The following CD300A variants were observed in gnomAD, a reference collection of about 807,000 sequenced individuals.
CD300A encodes the protein CD300a molecule.
CD300A carries 22 observed loss-of-function variants against 33.6 expected under a neutral mutation model. That is an observed-to-expected ratio of 0.66 (90% CI 0.47 to 0.94). The LOEUF (loss-of-function observed/expected upper bound fraction) is 0.94, where lower values mean the gene tolerates loss of function less well. CD300A is among the 40% of genes least tolerant of loss of function. CD300A has a pLI of 0.00. For missense variants in CD300A, 326 were observed against 360.5 expected (o/e 0.90, Z 0.77); for synonymous variants, 136 against 148.1 (o/e 0.92, Z 0.59).
intron 6 of CD300A, 47 bp downstream of exon 6, chr17:74,481,880 C>T (rs1486849646): frequency 9.9e-6 from 14 of 1,419,058 alleles, no homozygotes; most frequent in Non-Finnish European, 1.3e-5. Flanking sequence ...CTGGGCTGTG[C>T]CAGGGCACCC....
intron 4 of CD300A, 67 bp downstream of exon 4, chr17:74,477,597 C>T: frequency 9.8e-7 from 1 of 1,018,142 alleles, no homozygotes; most frequent in Admixed American, 1.9e-5. Context: ...AGACGCTCAT[C>T]TTCAAAGCTA....
chr17:74,477,398 A>T, intron 3 of CD300A, 38 bp from the exon 4 acceptor site: 1 of 1,375,948 alleles, frequency 7.3e-7, no homozygotes, highest in African/African-American at 1.5e-5. Flanking sequence ...TGGAGAAGGC[A>T]AGTTGGCCCC....
intron 4 of CD300A, among the ~76,000 whole-genome samples, chr17:74,478,691 C>T (rs1000002779): frequency 6.6e-6 from 1 of 152,186 alleles, no homozygotes; most frequent in Non-Finnish European, 1.5e-5. Flanking sequence ...TGTCCAAAGC[C>T]TTCCAAGACT....
chr17:74,470,620 T>C (rs116752693), intron 1 of CD300A, among the ~76,000 whole-genome samples: 1,659 of 151,866 alleles, frequency 0.011, 13 homozygotes, highest in African/African-American at 0.038. Flanking sequence ...GAACAGTGTC[T>C]TGGGTGAAGG....
At chr17:74,473,375 G>T (rs538151637) in intron 1 of CD300A, among the ~76,000 whole-genome samples, 161 bp from the exon 2 acceptor site, 1 of 152,028 alleles carries the variant, frequency 6.6e-6, no homozygotes, top group Non-Finnish European at 1.5e-5. Context: ...CCTGTGTGCG[G>T]AGGTAGCCTC....
At chr17:74,474,834 G>A (rs1234423461) in intron 3 of CD300A, 149 bp downstream of exon 3, 30 of 673,024 alleles carry the variant, frequency 4.5e-5, no homozygotes, top group African/African-American at 9.6e-5. Flanking sequence ...TGAACACCCC[G>A]GCTTGGACCT....
intron 5 of CD300A, 35 bp downstream of exon 5, chr17:74,481,361 C>T: frequency 6.2e-7 from 1 of 1,606,674 alleles, no homozygotes; most frequent in Non-Finnish European, 8.5e-7. Context: ...TATCAGGTGG[C>T]TGGGCGGAGG....
Position 74,473,722 on chromosome 17 carries a change from C to G in CD300A, c.227C>G (p.Ser76Cys), listed in dbSNP as rs374258098. 5.6e-6 allele frequency: 9 copies of G among 1,614,220 alleles called. No homozygotes were observed. Among genetic ancestry groups the G allele is most frequent in the Non-Finnish European group, 7.6e-6 (9 of 1,180,038 alleles). Residue 76 changes from serine to cysteine, a missense_variant, in exon 2 of 7, where the codon TCC becomes TGC. Physicochemically the swap from Ser to Cys is moderately radical, Grantham distance 112 (BLOSUM62 -1). Coordinates refer to ENST00000360141, the MANE Select transcript of CD300A (RefSeq NM_007261.4). ...GSAGKRNGRV[S>C]IRDSPANLSF... ...GCAGGAAAAAGGAACGGCCGAGTGTCCATCAGGGACAGTCCTGCAAACCTC... is the reference window on the plus strand; with the variant it reads ...GCAGGAAAAAGGAACGGCCGAGTGTGCATCAGGGACAGTCCTGCAAACCTC...
At chr17:74,476,134 C>T (rs1051035454) in intron 3 of CD300A, among the ~76,000 whole-genome samples, 1 of 152,170 alleles carries the variant, frequency 6.6e-6, no homozygotes, top group Non-Finnish European at 1.5e-5. Flanking sequence ...CTGTCTCCAC[C>T]TCCAGTCCCT....
rs772891892 is a variant in CD300A at position 74,473,850 on chromosome 17, G to C, written c.355G>C (p.Glu119Gln). 4 of 1,611,242 alleles carry C rather than the reference G, an allele frequency of 2.5e-6. No individual in the cohort carries two copies. The highest frequency in any genetic ancestry group is 1.7e-5 in the Admixed American group (1 of 59,996). Residue 119 changes from glutamate to glutamine, a missense_variant, in exon 2 of 7, where the codon GAG becomes CAG. Physicochemically the swap from Glu to Gln is conservative, Grantham distance 29 (BLOSUM62 2). Coordinates refer to ENST00000360141, the MANE Select transcript of CD300A (RefSeq NM_007261.4). Reference protein sequence around the residue: ...WLRDFHDPVVEVEVSVFPAST... With the variant: ...WLRDFHDPVVQVEVSVFPAST... ...CCGAGACTTTCATGATCCCGTTGTC[G>C]AGGTTGAGGTGTCCGTGTTCCCGGG...
At chr17:74,474,420 C>T (rs1906327817) in intron 2 of CD300A, 112 bp from the exon 3 acceptor site, 12 of 1,103,664 alleles carry the variant, frequency 1.1e-5, no homozygotes, top group Non-Finnish European at 1.5e-5. Context: ...GTCCTGCATC[C>T]TGCCCCCTTC....
intron 1 of CD300A, among the ~76,000 whole-genome samples, chr17:74,472,341 G>A (rs1906160303): frequency 6.6e-6 from 1 of 152,106 alleles, no homozygotes; most frequent in Non-Finnish European, 1.5e-5. Flanking sequence ...AATTACAAGG[G>A]CATTGAGACA....
Position 74,477,534 on chromosome 17 carries a change from A to C in CD300A, c.628+4A>C. On this transcript the variant is annotated splice_donor_region_variant and intron_variant, in intron 4 of 6. Coordinates refer to ENST00000360141, the MANE Select transcript of CD300A (RefSeq NM_007261.4). ...ATGTTTCAGAAATGGATCAAAGGTG[A>C]GTTGGCTCCCCACACCCCTCTGCCC... The C allele has an allele frequency of 1.9e-6, 3 of 1,610,160 alleles. No individual in the cohort carries two copies. Among genetic ancestry groups the C allele is most frequent in the Non-Finnish European group, 2.5e-6 (3 of 1,177,510 alleles).
Position 74,474,454 on chromosome 17 carries a change from T to A in CD300A, c.380-78T>A, listed in dbSNP as rs575109110. On this transcript the variant is annotated intron_variant, in intron 2 of 6. Coordinates refer to ENST00000360141, the MANE Select transcript of CD300A (RefSeq NM_007261.4). ...TCCTTAGTGGGCAGTTTGTGTGAAA[T>A]CAAACCAAAAAGGCATCCTGAGTGG... is the stretch of plus-strand genomic sequence containing the variant. 16 of 1,479,404 alleles carry A rather than the reference T, an allele frequency of 1.1e-5. No homozygotes were observed. In the South Asian group the frequency reaches 1.6e-4, roughly 15 times the overall value. 91.6% of individuals were successfully genotyped at this position (1,479,404 alleles called of 1,614,324 possible).
Position 74,480,004 on chromosome 17 carries a change from C to G in CD300A, c.629-1285C>G, listed in dbSNP as rs76652315. 0.025 allele frequency among the ~76,000 whole-genome samples: 3,861 copies of G among 152,256 alleles called. 69 individuals carry two copies. The highest frequency in any genetic ancestry group is 0.093 in the East Asian group (478 of 5,166). ...GAGCTTCCCCTACCGCTGGCTCCCC[C>G]AAACCTTCTCACTACCACCCTCCTT... On this transcript the variant is annotated intron_variant, in intron 4 of 6. Transcript: ENST00000360141. This position sits in a 1 kb window ranked among gnomAD's most constrained non-coding sequence, Gnocchi z 4.2.
intron 6 of CD300A, among the ~76,000 whole-genome samples, chr17:74,483,451 G>A (rs983457600): frequency 2.0e-5 from 3 of 150,592 alleles, no homozygotes; most frequent in South Asian, 2.1e-4. Flanking sequence ...CCGCCTCCCC[G>A]GTTCAAGCGA....
chr17:74,466,765 A>G, intron 1 of CD300A, 22 bp downstream of exon 1: 14 of 1,579,098 alleles, frequency 8.9e-6, no homozygotes, highest in Non-Finnish European at 1.2e-5. Flanking sequence ...CCTTCCCGGG[A>G]AAGTCTGCGG....
In CD300A at chr17:74,480,747, C is replaced by G. The variant is rs557601383; in HGVS notation, c.629-542C>G. Among the ~76,000 whole-genome samples, 1 of 152,178 alleles carries G rather than the reference C, an allele frequency of 6.6e-6. No individual in the cohort carries two copies. Among genetic ancestry groups the G allele is most frequent in the East Asian group, 1.9e-4 (1 of 5,172 alleles). ...GCTGGGAGCTTTCTTTCCTTTCTTT[C>G]TTTCTTTTTTTCGTTTTTGAGACAG... On this transcript the variant is annotated intron_variant, in intron 4 of 6. Coordinates refer to ENST00000360141, the MANE Select transcript of CD300A (RefSeq NM_007261.4). This position sits in a 1 kb window ranked among gnomAD's most constrained non-coding sequence, Gnocchi z 4.2.
intron 1 of CD300A, among the ~76,000 whole-genome samples, chr17:74,468,756 A>C (rs999313958): frequency 6.6e-6 from 1 of 152,106 alleles, no homozygotes; most frequent in Non-Finnish European, 1.5e-5. Context: ...TCCCGGGTTC[A>C]AGTGATTCTC....
Sources: gnomAD v4.1 joint callset for allele counts (sites outside exome capture counted in the v4.1 genomes callset) on GRCh38, gnomAD v4.1.1 for gene constraint, Gnocchi (gnomAD v3.1) non-coding constraint, MANE v1.5 for transcripts, NCBI Gene and HGNC (gene_info 2026-07-23, HGNC 2026-07-21) for gene names.